The following TMEM132C variants were observed in gnomAD, a reference collection of about 807,000 sequenced individuals.
The protein encoded by TMEM132C is protein phosphatase 1, regulatory subunit 152.
Under a neutral mutation model 61.4 loss-of-function variants are expected in TMEM132C, and 29 were observed. That is an observed-to-expected ratio of 0.47 (90% CI 0.35 to 0.64). The LOEUF (loss-of-function observed/expected upper bound fraction) is 0.64. Ranked by LOEUF, TMEM132C falls within the 30% of genes least tolerant of loss-of-function variation. TMEM132C has a pLI of 0.00. For synonymous variants in TMEM132C, 656 were observed against 633.1 expected (o/e 1.04, Z -0.54); for missense variants, 1,408 against 1,476.9 (o/e 0.95, Z 0.76).
At chr12:128,396,931 C>T (rs1440455479) in intron 1 of TMEM132C, among the ~76,000 whole-genome samples, 1 of 152,230 alleles carries the variant, frequency 6.6e-6, no homozygotes, top group Non-Finnish European at 1.5e-5. Flanking sequence ...CAATCAGGCG[C>T]AAAGCTGCAG....
In TMEM132C at chr12:128,583,685, C is replaced by T. The variant is rs147391175; in HGVS notation, c.1122-32467C>T. On this transcript the variant is annotated intron_variant, in intron 3 of 8. Transcript: ENST00000435159. ...ACTGCTCCTTGGTTCCCTCTCTCAA[C>T]GTGTGCTGAGTATTCCCGAGCACCC... 2.6e-3 allele frequency among the ~76,000 whole-genome samples: 402 copies of T among 152,316 alleles called. 7 individuals carry two copies. The highest frequency in any genetic ancestry group is 8.5e-3 in the African/African-American group (353 of 41,562).
chr12:128,268,920 GAGAGGGTGGGGCGAGAGAGGGGGGAA>G (rs1870414442), intron 1 of TMEM132C, among the ~76,000 whole-genome samples: 2 of 126,016 alleles, frequency 1.6e-5, no homozygotes, highest in East Asian at 2.6e-4. Flanking sequence ...AAGAGGGAAA[GAGAGGGTGGGGCGAGAGAGGGGGGAA>G]AGGGGGTGAG....
intron 2 of TMEM132C, among the ~76,000 whole-genome samples, chr12:128,540,600 T>C (rs1316345574): frequency 2.6e-5 from 4 of 152,178 alleles, no homozygotes; most frequent in African/African-American, 9.7e-5. Flanking sequence ...ATAGGCTGTA[T>C]TTCTGGTAGG....
intron 4 of TMEM132C, among the ~76,000 whole-genome samples, chr12:128,640,189 T>G (rs897488694): frequency 1.3e-5 from 2 of 152,188 alleles, no homozygotes; most frequent in African/African-American, 4.8e-5. Context: ...AAATAATGTG[T>G]GTAATTAGCA....
rs139295084 is a variant in TMEM132C at position 128,274,691 on chromosome 12, T to C, written c.85+7204T>C. 2.3e-4 allele frequency among the ~76,000 whole-genome samples: 35 copies of C among 152,322 alleles called. No individual in the cohort carries two copies. The East Asian group carries it at 6.6e-3, about 29-fold the overall frequency. On this transcript the variant is annotated intron_variant, in intron 1 of 8. Coordinates refer to ENST00000435159, the MANE Select transcript of TMEM132C (RefSeq NM_001136103.3). Reference sequence around the variant, plus strand: ...AGGAACCATTTTACTTATTTTTGTCTCAGTGCTCATGTTTTAGATTCCAGG... The same window carrying C: ...AGGAACCATTTTACTTATTTTTGTCCCAGTGCTCATGTTTTAGATTCCAGG...
At chr12:128,335,591 C>T (rs1242881766) in intron 1 of TMEM132C, among the ~76,000 whole-genome samples, 1 of 152,160 alleles carries the variant, frequency 6.6e-6, no homozygotes, top group Non-Finnish European at 1.5e-5. Flanking sequence ...CATTGTAGCT[C>T]ATGAAGAAGG....
chr12:128,599,148 C>T (rs998846970), intron 3 of TMEM132C, among the ~76,000 whole-genome samples: 41 of 152,136 alleles, frequency 2.7e-4, no homozygotes, highest in Admixed American at 2.6e-3. Flanking sequence ...CAGTGTAGAC[C>T]CAGCTCTTAT....
intron 5 of TMEM132C, among the ~76,000 whole-genome samples, chr12:128,693,294 A>G (rs1954733332): frequency 6.6e-6 from 1 of 152,146 alleles, no homozygotes; most frequent in Non-Finnish European, 1.5e-5. Context: ...TTACTTTCTG[A>G]AAAGACATAA....
intron 4 of TMEM132C, among the ~76,000 whole-genome samples, chr12:128,640,751 G>A (rs573157564): frequency 6.6e-6 from 1 of 152,132 alleles, no homozygotes; most frequent in East Asian, 1.9e-4. Context: ...GTAAGGTGTA[G>A]TGACACAAAC....
chr12:128,608,787 C>A (rs145921795), intron 3 of TMEM132C, among the ~76,000 whole-genome samples: 3 of 152,088 alleles, frequency 2.0e-5, no homozygotes, highest in African/African-American at 7.2e-5. Flanking sequence ...AATTTCCCCA[C>A]GTAATTATAA....
intron 4 of TMEM132C, among the ~76,000 whole-genome samples, chr12:128,617,123 C>A (rs1876828362): frequency 6.6e-6 from 1 of 152,180 alleles, no homozygotes; most frequent in African/African-American, 2.4e-5. Flanking sequence ...AGATGCCCAT[C>A]CTCACTTAGG....
chr12:128,493,488 A>G (rs1235251254), intron 2 of TMEM132C, among the ~76,000 whole-genome samples: 1 of 152,126 alleles, frequency 6.6e-6, no homozygotes, highest in African/African-American at 2.4e-5. Flanking sequence ...ATGAGCATGG[A>G]ATGTTCTTCC....
At chr12:128,501,165 T>TA (rs1807397598) in intron 2 of TMEM132C, among the ~76,000 whole-genome samples, 1 of 152,142 alleles carries the variant, frequency 6.6e-6, no homozygotes, top group South Asian at 2.1e-4. Context: ...GTGGTACGCC[T>TA]ATAACTAAGA....
At chr12:128,485,302 G>A (rs1037736798) in intron 2 of TMEM132C, among the ~76,000 whole-genome samples, 13 of 152,080 alleles carry the variant, frequency 8.5e-5, no homozygotes, top group Non-Finnish European at 1.6e-4. Context: ...TCAGCCTCCC[G>A]AGTAGCTGGG....
intron 4 of TMEM132C, among the ~76,000 whole-genome samples, chr12:128,645,917 A>C (rs1954193188): frequency 6.6e-6 from 1 of 151,370 alleles, no homozygotes; most frequent in African/African-American, 2.4e-5. Flanking sequence ...GAGTGTGTTT[A>C]CTGGAGTCCA....
At chr12:128,559,574 C>A (rs1874445945) in intron 3 of TMEM132C, among the ~76,000 whole-genome samples, 1 of 152,182 alleles carries the variant, frequency 6.6e-6, no homozygotes, top group South Asian at 2.1e-4. Context: ...ACCATCTTTA[C>A]CCACACGTTC....
chr12:128,592,017 A>C (rs1450719673), intron 3 of TMEM132C, among the ~76,000 whole-genome samples: 1 of 143,304 alleles, frequency 7.0e-6, no homozygotes, highest in African/African-American at 2.6e-5. Context: ...GTGTCACTGC[A>C]CTCCAACCTG....
In TMEM132C at chr12:128,456,740, G is replaced by A. The variant is rs143968990; in HGVS notation, c.974+41120G>A. Among the ~76,000 whole-genome samples the A allele has an allele frequency of 3.5e-3, 526 of 152,120 alleles. 1 individual carries two copies. The highest frequency in any genetic ancestry group is 0.012 in the African/African-American group (512 of 41,516). On this transcript the variant is annotated intron_variant, in intron 2 of 8. Transcript: ENST00000435159. The stretch of plus-strand genomic sequence containing the variant: ...ACTTTTGACAAAAGCATACACCCAT[G>A]TAACCCATACCTCTAAGAAGACATA...
intron 5 of TMEM132C, among the ~76,000 whole-genome samples, chr12:128,681,706 T>C (rs994555628): frequency 6.8e-6 from 1 of 146,098 alleles, no homozygotes; most frequent in Non-Finnish European, 1.5e-5. Flanking sequence ...CAGGCTGGAG[T>C]GCAGTGGCAT....
Sources: allele counts gnomAD v4.1 joint callset (sites outside exome capture counted in the v4.1 genomes callset), GRCh38; gene constraint gnomAD v4.1.1; transcripts MANE v1.5; gene names NCBI Gene and HGNC (gene_info 2026-07-23, HGNC 2026-07-21).